Variants in INPP4B observed in about 807,000 individuals in gnomAD.
The protein encoded by INPP4B is inositol polyphosphate 4-phosphatase type II.
INPP4B carries 55 observed loss-of-function variants against 122.5 expected under a neutral mutation model. The observed-to-expected ratio is 0.45, with a 90% CI of 0.36 to 0.56. INPP4B has a LOEUF of 0.56. Among genes scored for constraint, INPP4B ranks in the 20% least tolerant of loss-of-function variants. The pLI is 0.00. For synonymous variants in INPP4B, 403 were observed against 388.7 expected, an observed-to-expected ratio of 1.04 and a Z score of -0.43; for missense variants, 1,000 against 1,097.7, an observed-to-expected ratio of 0.91 and a Z score of 1.26.
chr4:142,235,717 G>A lies in INPP4B; in HGVS notation c.836+2147C>T, dbSNP rs111365491. Among the ~76,000 whole-genome samples the A allele has an allele frequency of 5.9e-3, 903 of 152,208 alleles. 4 individuals carry two copies. The highest frequency in any genetic ancestry group is 0.01 in the Middle Eastern group (3 of 294). ...TGGGATTACAGGCGTGAGCCACCGC[G>A]TCCACCTGACATGTCATTATTTTAT... On this transcript the variant is annotated intron_variant, in intron 12 of 25. Coordinates refer to ENST00000262992, the MANE Select transcript of INPP4B (RefSeq NM_001101669.3).
At chr4:142,248,124 C>G (rs1194449572) in intron 11 of INPP4B, among the ~76,000 whole-genome samples, 4 of 152,074 alleles carry the variant, frequency 2.6e-5, no homozygotes, top group Admixed American at 2.6e-4. Context: ...AATGATGCTT[C>G]ACTGGTTGCT....
intron 21 of INPP4B, among the ~76,000 whole-genome samples, chr4:142,120,656 C>G (rs1796180642): frequency 6.6e-6 from 1 of 152,092 alleles, no homozygotes; most frequent in South Asian, 2.1e-4. Flanking sequence ...CAATCCAAGT[C>G]AAGTCAGCCC....
At chr4:142,047,017 C>T (rs1751880610) in intron 25 of INPP4B, among the ~76,000 whole-genome samples, 1 of 151,968 alleles carries the variant, frequency 6.6e-6, no homozygotes, top group Non-Finnish European at 1.5e-5. Context: ...TTTCTCCTCT[C>T]TCTCTCTCTT....
At chr4:142,045,456 C>T (rs569682003) in intron 25 of INPP4B, among the ~76,000 whole-genome samples, 2 of 152,104 alleles carry the variant, frequency 1.3e-5, no homozygotes, top group Admixed American at 6.6e-5. Context: ...AGTGGCTTTC[C>T]AGAACTTCAG....
At chr4:142,339,543 G>A (rs1321555223) in intron 7 of INPP4B, among the ~76,000 whole-genome samples, 1 of 152,144 alleles carries the variant, frequency 6.6e-6, no homozygotes, top group Admixed American at 6.5e-5. Flanking sequence ...GGATTAGGTT[G>A]TAGACCCCAA....
At position 142,062,875 on chromosome 4, in the gene INPP4B, C is replaced by T. The variant is rs546850277; in HGVS notation, c.2642+19156G>A. Among the ~76,000 whole-genome samples, 13 of 152,316 alleles carry T rather than the reference C, an allele frequency of 8.5e-5. No homozygotes were observed. In the East Asian group the frequency reaches 2.3e-3, roughly 27 times the overall value. On this transcript the variant is annotated intron_variant, in intron 25 of 25. Transcript: ENST00000262992. The stretch of plus-strand genomic sequence containing the variant: ...AAGATACCTAGTTTGCCTTTCAACA[C>T]TGATCCAACAGAAACACATATGTAT...
chr4:142,807,044 G>C (rs1778953190), intron 1 of INPP4B, among the ~76,000 whole-genome samples: 1 of 152,150 alleles, frequency 6.6e-6, no homozygotes, highest in Non-Finnish European at 1.5e-5. Context: ...TACATGAGCT[G>C]TTCCTTTTGC....
intron 2 of INPP4B, among the ~76,000 whole-genome samples, chr4:142,586,176 G>A (rs1357751036): frequency 2.0e-5 from 3 of 151,974 alleles, no homozygotes; most frequent in African/African-American, 4.8e-5. Context: ...TGGGCATAAT[G>A]GCTTCCGGAC....
chr4:142,637,664 G>A (rs573229269), intron 2 of INPP4B, among the ~76,000 whole-genome samples: 2 of 152,276 alleles, frequency 1.3e-5, no homozygotes, highest in Admixed American at 1.3e-4. Flanking sequence ...AAACATTCAT[G>A]TGCAAGTTTT....
At chr4:142,110,656 C>G (rs1445421755) in intron 22 of INPP4B, among the ~76,000 whole-genome samples, 1 of 152,070 alleles carries the variant, frequency 6.6e-6, no homozygotes, top group Non-Finnish European at 1.5e-5. Flanking sequence ...CTCAGGGTTT[C>G]CCTACTTTGC....
At chr4:142,058,439 T>G (rs1401699903) in intron 25 of INPP4B, among the ~76,000 whole-genome samples, 2 of 152,122 alleles carry the variant, frequency 1.3e-5, no homozygotes, top group African/African-American at 4.8e-5. Context: ...AGATTGTGCT[T>G]GATTTTTTCT....
At chr4:142,595,100 T>G (rs1738415311) in intron 2 of INPP4B, among the ~76,000 whole-genome samples, 1 of 152,178 alleles carries the variant, frequency 6.6e-6, no homozygotes, top group Non-Finnish European at 1.5e-5. Flanking sequence ...CATTTTTTTG[T>G]ATTTTACATA....
intron 9 of INPP4B, among the ~76,000 whole-genome samples, chr4:142,294,629 G>C (rs575340357): frequency 1.3e-4 from 19 of 151,640 alleles, no homozygotes; most frequent in Non-Finnish European, 2.2e-4. Context: ...AGCTCAAAAA[G>C]CATGAGAATA....
At chr4:142,649,063 A>T (rs1752397682) in intron 2 of INPP4B, among the ~76,000 whole-genome samples, 1 of 152,198 alleles carries the variant, frequency 6.6e-6, no homozygotes. Flanking sequence ...TCTGCTGGTG[A>T]TACCCAGGCA....
chr4:142,115,846 A>C (rs1250509030), intron 21 of INPP4B, among the ~76,000 whole-genome samples: 1 of 152,182 alleles, frequency 6.6e-6, no homozygotes, highest in Admixed American at 6.6e-5. Context: ...TAAATGCTAC[A>C]ATTAAAAGAC....
rs181660130 is a variant in INPP4B, at chr4:142,050,051, T to C, written c.2643-21137A>G. On this transcript the variant is annotated intron_variant, in intron 25 of 25. Transcript: ENST00000262992. ...CATTGATGATGTTGGAAGCTGATTT[T>C]ATGACTTTTCATCAGGTGATGAATT... is the stretch of plus-strand genomic sequence containing the variant. 1.5e-3 allele frequency among the ~76,000 whole-genome samples: 231 copies of C among 152,178 alleles called. 2 individuals carry two copies. The highest frequency in any genetic ancestry group is 2.8e-3 in the Non-Finnish European group (187 of 67,946).
intron 2 of INPP4B, among the ~76,000 whole-genome samples, chr4:142,540,782 A>G (rs142170917): frequency 1.4e-3 from 213 of 152,280 alleles, no homozygotes; most frequent in African/African-American, 4.9e-3. Context: ...CATATTCTAC[A>G]TGCACACACA....
At chr4:142,253,482 G>A (rs182719478) in intron 11 of INPP4B, among the ~76,000 whole-genome samples, 5 of 152,318 alleles carry the variant, frequency 3.3e-5, no homozygotes, top group African/African-American at 1.2e-4. Context: ...AGTGGGCGCA[G>A]GTCAGTGGGT....
chr4:142,615,691 G>A (rs996329654), intron 2 of INPP4B, among the ~76,000 whole-genome samples: 4 of 152,090 alleles, frequency 2.6e-5, no homozygotes, highest in Admixed American at 6.6e-5. Flanking sequence ...AACAAGGTAC[G>A]TCTGACCTCC....
Sources: allele counts gnomAD v4.1 joint callset (sites outside exome capture counted in the v4.1 genomes callset), GRCh38; gene constraint gnomAD v4.1.1; transcripts MANE v1.5; gene names NCBI Gene and HGNC (gene_info 2026-07-23, HGNC 2026-07-21).